Variants in RAPGEF4 observed in about 807,000 individuals in gnomAD.
RAPGEF4 encodes RAP guanine-nucleotide-exchange factor (GEF) 4.
Under a neutral mutation model 147.9 loss-of-function variants are expected in RAPGEF4, and 66 were observed. That is an observed-to-expected ratio of 0.45 (90% confidence interval 0.37 to 0.55). RAPGEF4 has a LOEUF of 0.55. Among genes scored for constraint, RAPGEF4 ranks in the 20% least tolerant of loss-of-function variants. The pLI is 0.00. For synonymous variants in RAPGEF4, 419 were observed against 442.7 expected (o/e 0.95, Z 0.67); for missense variants, 1,071 against 1,257.3 (o/e 0.85, Z 2.24).
intron 4 of RAPGEF4, among the ~76,000 whole-genome samples, chr2:172,868,986 G>A (rs1694930857): frequency 6.6e-6 from 1 of 152,174 alleles, no homozygotes; most frequent in East Asian, 1.9e-4. Flanking sequence ...CTCCCGCCTT[G>A]GCCTCCCAAA....
chr2:173,046,045 G>A (rs1393305574), intron 29 of RAPGEF4, among the ~76,000 whole-genome samples: 2 of 152,236 alleles, frequency 1.3e-5, no homozygotes, highest in Non-Finnish European at 2.9e-5. Flanking sequence ...ATGCTAGTTA[G>A]ATTCACACAT....
At chr2:172,744,573 T>C (rs1171243023) in intron 1 of RAPGEF4, 2 of 294,520 alleles carry the variant, frequency 6.8e-6, no homozygotes, top group African/African-American at 2.2e-5. Context: ...TTGGTTCTAG[T>C]AGTTACTTTA....
At chr2:172,897,387 G>T (rs115063842) in intron 4 of RAPGEF4, among the ~76,000 whole-genome samples, 2,439 of 151,934 alleles carry the variant, frequency 0.016, 79 homozygotes, top group South Asian at 0.13. Flanking sequence ...GGTTTTTGGG[G>T]TTTTTTAAAA....
chr2:173,013,421 G>A (rs148097361), intron 17 of RAPGEF4, among the ~76,000 whole-genome samples: 3 of 152,332 alleles, frequency 2.0e-5, no homozygotes, highest in Admixed American at 6.5e-5. Context: ...GAAATGGAGC[G>A]ACACTTTCAT....
chr2:172,781,386 G>A (rs149324401), intron 1 of RAPGEF4, among the ~76,000 whole-genome samples: 3,165 of 152,270 alleles, frequency 0.021, 56 homozygotes, highest in Non-Finnish European at 0.032. Flanking sequence ...ACTCACACCT[G>A]TAATCCCAGC....
At chr2:172,887,483 A>T (rs913554448) in intron 4 of RAPGEF4, among the ~76,000 whole-genome samples, 1 of 152,244 alleles carries the variant, frequency 6.6e-6, no homozygotes, top group Non-Finnish European at 1.5e-5. Flanking sequence ...TTGTGAAACT[A>T]TGGCCTGTGG....
chr2:172,779,464 G>A (rs1332408505), intron 1 of RAPGEF4, among the ~76,000 whole-genome samples: 1 of 152,170 alleles, frequency 6.6e-6, no homozygotes, highest in East Asian at 1.9e-4. Context: ...TGAAGGTGGG[G>A]CAGAGGCCAT....
intron 1 of RAPGEF4, among the ~76,000 whole-genome samples, chr2:172,748,554 C>T (rs1694981104): frequency 6.6e-6 from 1 of 152,134 alleles, no homozygotes; most frequent in Non-Finnish European, 1.5e-5. Context: ...TCAGTTATCT[C>T]CCACCGGGTC....
At chr2:172,939,760 A>T (rs968527016) in intron 6 of RAPGEF4, among the ~76,000 whole-genome samples, 2 of 152,084 alleles carry the variant, frequency 1.3e-5, no homozygotes, top group Non-Finnish European at 2.9e-5. Flanking sequence ...TGTGTTTTAC[A>T]TTTAGGTTTA....
At chr2:172,885,074 T>A (rs1697034485) in intron 4 of RAPGEF4, among the ~76,000 whole-genome samples, 1 of 152,242 alleles carries the variant, frequency 6.6e-6, no homozygotes, top group Admixed American at 6.5e-5. Context: ...TTTTCTTCAA[T>A]GCTGGGGGAT....
chr2:173,028,312 TG>T (rs1696852461), intron 25 of RAPGEF4, among the ~76,000 whole-genome samples: 1 of 152,224 alleles, frequency 6.6e-6, no homozygotes, highest in Non-Finnish European at 1.5e-5. Context: ...CACAGCCTTA[TG>T]GCAAGGGACA....
intron 1 of RAPGEF4, among the ~76,000 whole-genome samples, chr2:172,778,039 G>A (rs1437924827): frequency 6.6e-6 from 1 of 152,096 alleles, no homozygotes; most frequent in East Asian, 1.9e-4. Context: ...TCTACATAGT[G>A]CTTAGGTGAC....
At chr2:172,852,470 A>C (rs528356487) in intron 4 of RAPGEF4, among the ~76,000 whole-genome samples, 2 of 152,202 alleles carry the variant, frequency 1.3e-5, no homozygotes, top group Non-Finnish European at 2.9e-5. Flanking sequence ...AAACACATCA[A>C]ATTTAAACTC....
intron 4 of RAPGEF4, among the ~76,000 whole-genome samples, chr2:172,833,284 A>G (rs981444252): frequency 8.2e-6 from 1 of 121,642 alleles, no homozygotes. Context: ...TTTTGTCATT[A>G]TTCCCTAAAC....
intron 4 of RAPGEF4, among the ~76,000 whole-genome samples, chr2:172,858,838 A>C (rs1312507741): frequency 6.6e-6 from 1 of 152,154 alleles, no homozygotes; most frequent in Non-Finnish European, 1.5e-5. Flanking sequence ...ATTTCTCCTG[A>C]CTGAAATTTT....
At chr2:172,741,535 C>T (rs964789064) in intron 1 of RAPGEF4, among the ~76,000 whole-genome samples, 3 of 152,182 alleles carry the variant, frequency 2.0e-5, no homozygotes, top group Admixed American at 1.3e-4. Context: ...TTAAAAATGA[C>T]ACTGCATAGC....
intron 27 of RAPGEF4, among the ~76,000 whole-genome samples, chr2:173,035,004 G>C (rs191156387): frequency 8.0e-4 from 121 of 151,794 alleles, no homozygotes; most frequent in African/African-American, 2.7e-3. Flanking sequence ...TCAGGGGTTG[G>C]GGCACTAACA....
At chr2:173,037,278 G>A (rs1433118169) in intron 29 of RAPGEF4, among the ~76,000 whole-genome samples, 1 of 130,660 alleles carries the variant, frequency 7.7e-6, no homozygotes, top group East Asian at 2.1e-4. Context: ...AAAGTGCAGT[G>A]TTGTGATCAT....
chr2:173,025,504 A>G (rs896414519), intron 23 of RAPGEF4, among the ~76,000 whole-genome samples: 3 of 152,152 alleles, frequency 2.0e-5, no homozygotes, highest in African/African-American at 7.2e-5. Context: ...GTGCAGTGGC[A>G]CGATCTCGGC....
Sources: gnomAD v4.1 joint callset for allele counts (sites outside exome capture counted in the v4.1 genomes callset) on GRCh38, gnomAD v4.1.1 for gene constraint, MANE v1.5 for transcripts, NCBI Gene and HGNC (gene_info 2026-07-23, HGNC 2026-07-21) for gene names.